The following PHOSPHO1 variants were observed in gnomAD, a reference collection of about 807,000 sequenced individuals.
PHOSPHO1 encodes the protein phosphoethanolamine/phosphocholine phosphatase.
In PHOSPHO1, 6 loss-of-function variants were observed where a neutral mutation model predicts 17.7. That is an observed-to-expected ratio of 0.34 (90% CI 0.19 to 0.67). The LOEUF (loss-of-function observed/expected upper bound fraction) is 0.67. Among genes scored for constraint, PHOSPHO1 ranks in the 30% least tolerant of loss-of-function variants. The pLI, the probability that PHOSPHO1 is intolerant of heterozygous loss-of-function variation, is 0.69. For synonymous variants in PHOSPHO1, 159 were observed against 174.6 expected (o/e 0.91, Z 0.71); for missense variants, 330 against 392.1 (o/e 0.84, Z 1.34).
Position 49,226,659 on chromosome 17 carries a change from G to C in PHOSPHO1, c.33C>G (p.Arg11=). 6.2e-7 allele frequency: 1 copy of C among 1,614,200 alleles called. No individual in the cohort carries two copies. The highest frequency in any genetic ancestry group is 2.2e-5 in the East Asian group (1 of 44,878). MSGCFPVSGL[R]CLSRDGRMAA... is the part of the protein sequence containing the mutation. ...GGGACCCACTTACCCTAGATAGGCA[G>C]CGGAGGCCAGAAACTGGAAAACAGC... The change falls in exon 2 of 3, where the codon CGC becomes CGG. Residue 11 remains arginine, a synonymous_variant. Coordinates refer to ENST00000310544, the MANE Select transcript of PHOSPHO1 (RefSeq NM_178500.4).
Position 49,224,780 on chromosome 17 carries a change from G to A in PHOSPHO1, c.270C>T (p.Ser90=), listed in dbSNP as rs960635585. 3 of 1,598,686 alleles carry A rather than the reference G, an allele frequency of 1.9e-6. No individual in the cohort carries two copies. The highest frequency in any genetic ancestry group is 3.5e-5 in the Admixed American group (2 of 57,564). The change falls in exon 3 of 3, where the codon AGC becomes AGT. Residue 90 remains serine, a synonymous_variant. Coordinates refer to ENST00000310544, the MANE Select transcript of PHOSPHO1 (RefSeq NM_178500.4). The part of the protein sequence containing the change: ...GEQGVRPRDL[S]AIYEAIPLSP... ...ACAAAGGGATGGCTTCGTAGATGGCGCTCAGGTCCCGCGGCCGCACGCCCT... is the reference window on the plus strand; with the variant it reads ...ACAAAGGGATGGCTTCGTAGATGGCACTCAGGTCCCGCGGCCGCACGCCCT...
In PHOSPHO1 at chr17:49,224,855, C is replaced by G; in HGVS notation, c.195G>C (p.Glu65Asp). Reference sequence around the variant, plus strand: ...GCTGCATGTACTCGTTGTAGAAGCCCTCGCGGTAGGTGGCTCGCAGGCTCT... The same window carrying G: ...GCTGCATGTACTCGTTGTAGAAGCCGTCGCGGTAGGTGGCTCGCAGGCTCT... ...LPESLRATYR[E>D]GFYNEYMQRV... The change falls in exon 3 of 3, where the codon GAG (glutamate) becomes GAC (aspartate). Residue 65 changes from glutamate (E) to aspartate (D), a missense_variant. By Grantham distance (45) the Glu-to-Asp change is conservative. Transcript: ENST00000310544. 3.7e-6 allele frequency: 6 copies of G among 1,607,296 alleles called. No individual in the cohort carries two copies. Among genetic ancestry groups the G allele is most frequent in the Non-Finnish European group, 5.1e-6 (6 of 1,177,272 alleles).
In PHOSPHO1 at chr17:49,224,402, G is replaced by A; in HGVS notation, c.648C>T (p.Gly216=). The change falls in exon 3 of 3, where the codon GGC becomes GGT. Residue 216 remains glycine (G), a synonymous_variant. Transcript: ENST00000310544. ...NDFCPMGLLA[G]GDVAFPRRGY... ...CGCGGCGCGGGAAGGCCACGTCGCC[G>A]CCCGCCAGCAGCCCCATGGGGCAGA... is the stretch of plus-strand genomic sequence containing the variant. The A allele has an allele frequency of 6.5e-7, 1 of 1,544,940 alleles. No homozygotes were observed.
chr17:49,225,627 G>A (rs1364232535), intron 2 of PHOSPHO1: 5 of 1,292,508 alleles, frequency 3.9e-6, no homozygotes, highest in African/African-American at 1.5e-5. Context: ...TTAGGGCCCT[G>A]TGCTGACAGC....
rs2043332877 is a variant in PHOSPHO1, at chr17:49,224,806, G to C, written c.244C>G (p.Gln82Glu). The C allele has an allele frequency of 1.3e-6, 2 of 1,599,984 alleles. No individual in the cohort carries two copies. The highest frequency in any genetic ancestry group is 4.5e-5 in the East Asian group (2 of 44,014). The change falls in exon 3 of 3, where the codon CAG becomes GAG. Residue 82 changes from glutamine to glutamate, a missense_variant. By Grantham distance (29) the Gln-to-Glu change is conservative (BLOSUM62 2). Coordinates refer to ENST00000310544, the MANE Select transcript of PHOSPHO1 (RefSeq NM_178500.4). ...CTCAGGTCCCGCGGCCGCACGCCCT[G>C]CTCGCCCAGGTACTTGAAGACGCGC... Reference protein sequence around the residue: ...MQRVFKYLGEQGVRPRDLSAI... With the variant: ...MQRVFKYLGEEGVRPRDLSAI...
At chr17:49,225,829 A>G in intron 2 of PHOSPHO1, 10 of 1,207,480 alleles carry the variant, frequency 8.3e-6, no homozygotes, top group Non-Finnish European at 1.1e-5. Flanking sequence ...CTGAAAAGGC[A>G]GAGGAGTGGG....
At position 49,224,709 on chromosome 17, in the gene PHOSPHO1, G is replaced by A; in HGVS notation, c.341C>T (p.Ala114Val). 3.1e-6 allele frequency: 5 copies of A among 1,595,142 alleles called. No individual in the cohort carries two copies. Among genetic ancestry groups the A allele is most frequent in the Non-Finnish European group, 4.3e-6 (5 of 1,172,218 alleles). The change falls in exon 3 of 3, where the codon GCC becomes GTC. Residue 114 changes from alanine to valine, a missense_variant. By Grantham distance (64) the Ala-to-Val change is moderately conservative. Coordinates refer to ENST00000310544, the MANE Select transcript of PHOSPHO1 (RefSeq NM_178500.4). Reference protein sequence around the residue: ...DLLQFVAKQGACFEVILISDA... With the variant: ...DLLQFVAKQGVCFEVILISDA... ...GGAGATGAGAATCACCTCGAAGCAGGCGCCCTGTTTTGCCACAAACTGCAG... is the reference window on the plus strand; with the variant it reads ...GGAGATGAGAATCACCTCGAAGCAGACGCCCTGTTTTGCCACAAACTGCAG...
chr17:49,225,425 G>A (rs752314129), intron 2 of PHOSPHO1: 99 of 985,182 alleles, frequency 1.0e-4, no homozygotes, highest in Admixed American at 3.1e-4. Context: ...TCAAGAAAGG[G>A]TGGTGGGAAC....
intron 2 of PHOSPHO1, chr17:49,225,473 A>G (rs2043344987): frequency 1.0e-6 from 1 of 985,240 alleles, no homozygotes; most frequent in Admixed American, 6.2e-5. Context: ...AGTCAAGGGA[A>G]ACCAACCACC....
At chr17:49,225,853 T>G in intron 2 of PHOSPHO1, 3 of 1,180,364 alleles carry the variant, frequency 2.5e-6, no homozygotes, top group Non-Finnish European at 3.2e-6. Context: ...GGCCAGGTAG[T>G]GGGGACTTGG....
Position 49,224,807 on chromosome 17 carries a change from C to T in PHOSPHO1, c.243G>A (p.Glu81=), listed in dbSNP as rs2043332923. The T allele has an allele frequency of 6.2e-7, 1 of 1,600,524 alleles. No individual in the cohort carries two copies. Among genetic ancestry groups the T allele is most frequent in the African/African-American group, 1.3e-5 (1 of 74,758 alleles). The part of the protein sequence containing the change: ...YMQRVFKYLG[E]QGVRPRDLSA... ...TCAGGTCCCGCGGCCGCACGCCCTG[C>T]TCGCCCAGGTACTTGAAGACGCGCT... The change falls in exon 3 of 3, where the codon GAG becomes GAA. Residue 81 remains glutamate (E), a synonymous_variant. Coordinates refer to ENST00000310544, the MANE Select transcript of PHOSPHO1 (RefSeq NM_178500.4).
In PHOSPHO1 at chr17:49,230,472, G is replaced by C. The variant is rs2043402130; in HGVS notation, c.-72C>G. 6.5e-6 allele frequency: 1 copy of C among 152,718 alleles called. No homozygotes were observed. The highest frequency in any genetic ancestry group is 2.4e-5 in the African/African-American group (1 of 41,432). 9.5% of individuals were successfully genotyped at this position (152,718 alleles called of 1,614,324 possible). A position where few individuals can be genotyped will look rare whatever the true frequency, so the allele number is the denominator to read the frequency against. On this transcript the variant is annotated 5_prime_UTR_variant, in exon 1 of 3. Transcript: ENST00000310544. ...CTCCCGGAGCCCAGGACTCACGTGG[G>C]GGCGGCGGCAGCAGAGGTCTGTCCC...
chr17:49,226,553 C>T, intron 2 of PHOSPHO1, 94 bp downstream of exon 2: 1 of 1,348,118 alleles, frequency 7.4e-7, no homozygotes, highest in Non-Finnish European at 1.1e-6. Context: ...CTAAAACGGG[C>T]TGGATAGGGC....
chr17:49,228,281 CTTCCTTCCTTCCTTCCTCCT>C (rs879668675), intron 1 of PHOSPHO1, among the ~76,000 whole-genome samples: 3,107 of 87,642 alleles, frequency 0.035, 42 homozygotes, highest in Non-Finnish European at 0.052. Flanking sequence ...TCCTTCCTTC[CTTCCTTCCTTCCTTCCTCCT>C]TCCTTCCTTC....
chr17:49,228,246 CTCCTTCCTTCCTTCCTTCCTTCCTTCCT>C (rs59056166), intron 1 of PHOSPHO1, among the ~76,000 whole-genome samples: 89 of 134,868 alleles, frequency 6.6e-4, no homozygotes, highest in Non-Finnish European at 1.3e-3. Context: ...TCCTGTCTCT[CTCCTTCCTTCCTTCCTTCCTTCCTTCCT>C]TCCTTCCTTC....
rs891038564 is a variant in PHOSPHO1 at position 49,226,777 on chromosome 17, C to T, written c.-67-19G>A. ...CACGTTCCTGACAACCACAAAAGTTCATTTGAGGGTGCCCAGTCAGCTGAC... is the reference window on the plus strand; with the variant it reads ...CACGTTCCTGACAACCACAAAAGTTTATTTGAGGGTGCCCAGTCAGCTGAC... On this transcript the variant is annotated intron_variant, in intron 1 of 2. Transcript: ENST00000310544. 1 of 1,510,144 alleles carries T rather than the reference C, an allele frequency of 6.6e-7. No individual in the cohort carries two copies. The highest frequency in any genetic ancestry group is 9.2e-7 in the Non-Finnish European group (1 of 1,087,016). The allele number at this position is 1,510,144 out of a possible 1,614,324, so 93.5% of individuals were successfully genotyped here.
In PHOSPHO1 at chr17:49,226,754, C is replaced by T. The variant is rs551956705; in HGVS notation, c.-63G>A. 20 of 1,595,586 alleles carry T rather than the reference C, an allele frequency of 1.3e-5. No individual in the cohort carries two copies. Among genetic ancestry groups the T allele is most frequent in the Non-Finnish European group, 1.5e-5 (17 of 1,163,732 alleles). On this transcript the variant is annotated 5_prime_UTR_variant, in exon 2 of 3. In the 5' UTR this introduces an upstream ATG that the reference lacks. Coordinates refer to ENST00000310544, the MANE Select transcript of PHOSPHO1 (RefSeq NM_178500.4). Reference sequence around the variant, plus strand: ...CTGTTGGCCTCCAGCCGTCGTCACACGTTCCTGACAACCACAAAAGTTCAT... The same window carrying T: ...CTGTTGGCCTCCAGCCGTCGTCACATGTTCCTGACAACCACAAAAGTTCAT...
chr17:49,225,297 A>G lies in PHOSPHO1; in HGVS notation c.46-293T>C, dbSNP rs755551562. Reference sequence around the variant, plus strand: ...TTTCCCCTACTCTCATCGAGGGCCAATGGGGCTTAACAAGGGTCAAAAGAA... The same window carrying G: ...TTTCCCCTACTCTCATCGAGGGCCAGTGGGGCTTAACAAGGGTCAAAAGAA... On this transcript the variant is annotated intron_variant, in intron 2 of 2. Coordinates refer to ENST00000310544, the MANE Select transcript of PHOSPHO1 (RefSeq NM_178500.4). The G allele has an allele frequency of 8.5e-5, 84 of 985,300 alleles. 1 individual carries two copies. In the South Asian group the frequency reaches 1.3e-3, roughly 15 times the overall value. The allele number at this position is 985,300 out of a possible 1,614,324, so 61.0% of individuals were successfully genotyped here. A position where few individuals can be genotyped will look rare whatever the true frequency, so the allele number is the denominator to read the frequency against.
chr17:49,225,166 A>G, intron 2 of PHOSPHO1, 162 bp from the exon 3 acceptor site: 1 of 1,433,346 alleles, frequency 7.0e-7, no homozygotes, highest in African/African-American at 1.4e-5. Flanking sequence ...AGCTGGGAGG[A>G]GTACCCAATG....
Sources: allele counts gnomAD v4.1 joint callset (sites outside exome capture counted in the v4.1 genomes callset), GRCh38; gene constraint gnomAD v4.1.1; transcripts MANE v1.5; gene names NCBI Gene and HGNC (gene_info 2026-07-23, HGNC 2026-07-21).